RBFOX1: variants seen among roughly 807,000 people sequenced by gnomAD.
RBFOX1 encodes RNA binding protein fox-1 homolog 1.
A neutral mutation model predicts 57.7 loss-of-function variants in RBFOX1; 8 were observed. The observed-to-expected ratio is 0.14, with a 90% CI of 0.08 to 0.25. The LOEUF is 0.25. Ranked by LOEUF, RBFOX1 falls within the 10% of genes least tolerant of loss-of-function variation. The probability of loss-of-function intolerance (pLI) is 1.00; values close to 1 mark genes in which losing one functional copy is unlikely to be tolerated. For missense variants in RBFOX1, 611 were observed against 548.5 expected, an observed-to-expected ratio of 1.11 and a Z score of -1.14; for synonymous variants, 326 against 222.4, an observed-to-expected ratio of 1.47 and a Z score of -4.15.
chr16:7,655,866 C>T (rs986687009), intron 12 of RBFOX1, among the ~76,000 whole-genome samples: 4 of 152,134 alleles, frequency 2.6e-5, no homozygotes, highest in Non-Finnish European at 4.4e-5. Context: ...CTCAGAATGA[C>T]ACACCTGCTG....
At chr16:5,550,948 A>C (rs2045437896) in intron 2 of RBFOX1, among the ~76,000 whole-genome samples, 2 of 152,186 alleles carry the variant, frequency 1.3e-5, no homozygotes, top group African/African-American at 2.4e-5. Flanking sequence ...GCTGATGGGC[A>C]AGGGAAGGTT....
At chr16:6,012,666 G>C (rs1596402605) in intron 4 of RBFOX1, among the ~76,000 whole-genome samples, 1 of 152,202 alleles carries the variant, frequency 6.6e-6, no homozygotes, top group Non-Finnish European at 1.5e-5. Flanking sequence ...AGGGAATGCA[G>C]CAGTATGGTA....
intron 3 of RBFOX1, among the ~76,000 whole-genome samples, chr16:6,811,791 A>C (rs1381314888): frequency 6.6e-6 from 1 of 152,192 alleles, no homozygotes; most frequent in Non-Finnish European, 1.5e-5. Context: ...GGGGAGGCTG[A>C]GGCAGGAGAA....
At chr16:6,365,278 G>A (rs536890464) in intron 2 of RBFOX1, among the ~76,000 whole-genome samples, 3 of 151,796 alleles carry the variant, frequency 2.0e-5, no homozygotes, top group Non-Finnish European at 4.4e-5. Flanking sequence ...GTGGATGGAT[G>A]AGTAGGTGGA....
chr16:6,545,138 C>G (rs181446282), intron 2 of RBFOX1, among the ~76,000 whole-genome samples: 6 of 152,274 alleles, frequency 3.9e-5, no homozygotes, highest in African/African-American at 4.8e-5. Flanking sequence ...TACTTTTTCC[C>G]TAGCGCCATT....
intron 3 of RBFOX1, among the ~76,000 whole-genome samples, chr16:6,951,888 A>G (rs925753147): frequency 6.6e-6 from 1 of 152,016 alleles, no homozygotes; most frequent in African/African-American, 2.4e-5. Flanking sequence ...CATATGCACC[A>G]CCATGCCCAG....
chr16:6,523,783 T>G (rs911891494), intron 2 of RBFOX1, among the ~76,000 whole-genome samples: 1 of 152,206 alleles, frequency 6.6e-6, no homozygotes, highest in Non-Finnish European at 1.5e-5. Context: ...CCTCATGAAA[T>G]GCCACTTATT....
chr16:6,005,298 C>G (rs527357064), intron 4 of RBFOX1, among the ~76,000 whole-genome samples: 1 of 152,214 alleles, frequency 6.6e-6, no homozygotes, highest in Non-Finnish European at 1.5e-5. Flanking sequence ...AACTCCATTT[C>G]TTGGATAATG....
chr16:5,731,382 T>C (rs2052368468), intron 3 of RBFOX1, among the ~76,000 whole-genome samples: 2 of 152,202 alleles, frequency 1.3e-5, no homozygotes, highest in African/African-American at 4.8e-5. Flanking sequence ...AAGTACTTTC[T>C]TTGTCAGGTA....
chr16:7,618,297 C>T (rs1164472922), intron 10 of RBFOX1, among the ~76,000 whole-genome samples: 3 of 152,130 alleles, frequency 2.0e-5, no homozygotes, highest in Non-Finnish European at 4.4e-5. Context: ...TATCTATATT[C>T]ACACTGAGTA....
At chr16:6,806,586 C>T (rs959671474) in intron 3 of RBFOX1, among the ~76,000 whole-genome samples, 1 of 151,716 alleles carries the variant, frequency 6.6e-6, no homozygotes, top group Non-Finnish European at 1.5e-5. Context: ...TGAACTAGTT[C>T]CCAGCAAATT....
At chr16:5,617,054 T>C (rs1378278821) in intron 3 of RBFOX1, among the ~76,000 whole-genome samples, 3 of 151,632 alleles carry the variant, frequency 2.0e-5, no homozygotes, top group Admixed American at 1.3e-4. Context: ...TGCTGAGGGG[T>C]TGAAATTTCC....
intron 1 of RBFOX1, among the ~76,000 whole-genome samples, chr16:6,258,861 C>G (rs2097684815): frequency 6.6e-6 from 1 of 152,110 alleles, no homozygotes; most frequent in Non-Finnish European, 1.5e-5. Context: ...ATCAAAACAT[C>G]TCATGTACCC....
intron 3 of RBFOX1, among the ~76,000 whole-genome samples, chr16:6,963,132 C>A (rs1353613865): frequency 1.3e-5 from 2 of 152,230 alleles, no homozygotes; most frequent in African/African-American, 4.8e-5. Flanking sequence ...GGGTGCAGGA[C>A]TCTTTGGGGT....
At chr16:7,214,809 C>G (rs1035112533) in intron 4 of RBFOX1, among the ~76,000 whole-genome samples, 1 of 152,148 alleles carries the variant, frequency 6.6e-6, no homozygotes, top group Admixed American at 6.5e-5. Flanking sequence ...ACACATGTTC[C>G]TCACATTTAA....
intron 3 of RBFOX1, among the ~76,000 whole-genome samples, chr16:5,798,502 T>C (rs1342029816): frequency 6.6e-6 from 1 of 152,098 alleles, no homozygotes; most frequent in African/African-American, 2.4e-5. Flanking sequence ...CATGCAGACT[T>C]GAAACAACCT....
chr16:7,132,986 T>C (rs917177365), intron 4 of RBFOX1, among the ~76,000 whole-genome samples: 2 of 152,168 alleles, frequency 1.3e-5, no homozygotes, highest in African/African-American at 4.8e-5. Flanking sequence ...AACAAACCGT[T>C]ATACCAGGAA....
intron 3 of RBFOX1, among the ~76,000 whole-genome samples, chr16:6,899,182 TATG>T (rs2067819730): frequency 9.7e-6 from 1 of 103,244 alleles, no homozygotes; most frequent in African/African-American, 3.3e-5. Flanking sequence ...GTGTGTATAA[TATG>T]TGTGTGAGTG....
intron 3 of RBFOX1, among the ~76,000 whole-genome samples, chr16:6,812,351 T>G (rs1315356344): frequency 6.6e-6 from 1 of 152,128 alleles, no homozygotes; most frequent in Non-Finnish European, 1.5e-5. Context: ...CAATTAGCAC[T>G]GCAAAGTTTT....
Sources: allele counts gnomAD v4.1 joint callset (sites outside exome capture counted in the v4.1 genomes callset), GRCh38; gene constraint gnomAD v4.1.1; transcripts MANE v1.5; gene names NCBI Gene and HGNC (gene_info 2026-07-23, HGNC 2026-07-21).